Variants in ADAM12 observed in about 807,000 individuals in gnomAD.
ADAM12 encodes the protein disintegrin and metalloproteinase domain-containing protein 12.
ADAM12 carries 70 observed loss-of-function variants against 106.4 expected under a neutral mutation model. The observed-to-expected ratio is 0.66, with a 90% CI of 0.54 to 0.80. The LOEUF is 0.80. ADAM12 is among the 30% of genes least tolerant of loss of function. The probability of loss-of-function intolerance (pLI) is 0.00; values close to 1 mark genes in which losing one functional copy is unlikely to be tolerated. For synonymous variants in ADAM12, 420 were observed against 433.5 expected (o/e 0.97, Z 0.39); for missense variants, 1,010 against 1,171.9 (o/e 0.86, Z 2.02).
At chr10:126,350,590 C>T (rs1250147991) in intron 1 of ADAM12, among the ~76,000 whole-genome samples, 2 of 152,366 alleles carry the variant, frequency 1.3e-5, no homozygotes, top group Non-Finnish European at 2.9e-5. Context: ...GCATTTTCCG[C>T]AGTGACCTGC....
chr10:126,132,660 T>C (rs1272681616), intron 5 of ADAM12, among the ~76,000 whole-genome samples: 1 of 151,742 alleles, frequency 6.6e-6, no homozygotes, highest in Non-Finnish European at 1.5e-5. Context: ...CTGGCACCCA[T>C]CACAGGGGAG....
chr10:126,081,141 G>A (rs771081967), intron 11 of ADAM12, among the ~76,000 whole-genome samples: 13 of 152,210 alleles, frequency 8.5e-5, no homozygotes, highest in Non-Finnish European at 1.8e-4. Flanking sequence ...GTGACTCTGC[G>A]GCCTCATTAA....
chr10:126,354,384 G>A (rs537577981), intron 1 of ADAM12, among the ~76,000 whole-genome samples: 1 of 152,268 alleles, frequency 6.6e-6, no homozygotes, highest in East Asian at 1.9e-4. Context: ...TCATAGTCCT[G>A]TGTTCTGGAA....
At chr10:126,147,942 T>C (rs1956659005) in intron 4 of ADAM12, among the ~76,000 whole-genome samples, 1 of 152,212 alleles carries the variant, frequency 6.6e-6, no homozygotes, top group Non-Finnish European at 1.5e-5. Flanking sequence ...TCCAAAGCAC[T>C]GACAGCATCT....
chr10:126,226,116 T>C (rs1958189305), intron 3 of ADAM12, among the ~76,000 whole-genome samples: 1 of 144,076 alleles, frequency 6.9e-6, no homozygotes, highest in Non-Finnish European at 1.5e-5. Flanking sequence ...AGGCACATGG[T>C]ACAGATGGGT....
chr10:126,146,200 G>A (rs1001295089), intron 4 of ADAM12, among the ~76,000 whole-genome samples: 3 of 152,152 alleles, frequency 2.0e-5, no homozygotes, highest in South Asian at 2.1e-4. Context: ...GAGTCACCAC[G>A]GGACTTGGGT....
At chr10:126,033,375 A>G (rs911104951) in intron 21 of ADAM12, among the ~76,000 whole-genome samples, 7 of 152,224 alleles carry the variant, frequency 4.6e-5, no homozygotes, top group Admixed American at 4.6e-4. Flanking sequence ...AGGTGGAATA[A>G]GTACATTTCA....
At chr10:126,141,567 T>C (rs1956512516) in intron 4 of ADAM12, among the ~76,000 whole-genome samples, 1 of 152,214 alleles carries the variant, frequency 6.6e-6, no homozygotes, top group South Asian at 2.1e-4. Context: ...TTTAATACTA[T>C]CAATCAAATA....
chr10:126,374,889 G>T (rs148047144), intron 1 of ADAM12, among the ~76,000 whole-genome samples: 1 of 151,794 alleles, frequency 6.6e-6, no homozygotes, highest in South Asian at 2.1e-4. Flanking sequence ...AAAAACACAC[G>T]AATAAAATAC....
At chr10:126,319,064 T>C (rs139131229) in intron 2 of ADAM12, among the ~76,000 whole-genome samples, 2 of 152,268 alleles carry the variant, frequency 1.3e-5, no homozygotes, top group Admixed American at 6.5e-5. Context: ...GGAATTACAA[T>C]TCAAAATAAG....
At chr10:126,218,270 C>T (rs1368996833) in intron 3 of ADAM12, among the ~76,000 whole-genome samples, 2 of 152,116 alleles carry the variant, frequency 1.3e-5, no homozygotes, top group African/African-American at 4.8e-5. Flanking sequence ...CGACAACAGG[C>T]GTAACTTGGG....
intron 1 of ADAM12, among the ~76,000 whole-genome samples, chr10:126,334,623 G>A (rs1854631204): frequency 6.6e-6 from 1 of 152,132 alleles, no homozygotes. Context: ...TGGGAAAGCA[G>A]GCAAAGAAGA....
intron 10 of ADAM12, among the ~76,000 whole-genome samples, chr10:126,096,246 A>G (rs1955556444): frequency 6.6e-6 from 1 of 152,212 alleles, no homozygotes; most frequent in South Asian, 2.1e-4. Flanking sequence ...CTTAAAAAAT[A>G]TTCTTCTGAT....
intron 1 of ADAM12, among the ~76,000 whole-genome samples, chr10:126,355,119 A>G (rs899831384): frequency 1.3e-5 from 2 of 152,242 alleles, no homozygotes; most frequent in Non-Finnish European, 2.9e-5. Context: ...CAAAAAATGT[A>G]TAGTTTTAAC....
In ADAM12 at chr10:126,130,031, A is replaced by C. The variant is rs192093952; in HGVS notation, c.416+5553T>G. 4.0e-4 allele frequency among the ~76,000 whole-genome samples: 61 copies of C among 152,252 alleles called. No homozygotes were observed. In the East Asian group the frequency reaches 0.011, roughly 28 times the overall value. On this transcript the variant is annotated intron_variant, in intron 5 of 22. Transcript: ENST00000448723. Reference sequence around the variant, plus strand: ...GGATGTTCTTTCGCTGCAAAACTGGAATCTGTTGGGCTGTAATTAATGTGT... The same window carrying C: ...GGATGTTCTTTCGCTGCAAAACTGGCATCTGTTGGGCTGTAATTAATGTGT...
chr10:126,219,157 C>T (rs1317162585), intron 3 of ADAM12, among the ~76,000 whole-genome samples: 1 of 152,198 alleles, frequency 6.6e-6, no homozygotes, highest in Non-Finnish European at 1.5e-5. Flanking sequence ...GGGGTTTGCT[C>T]TTGGATAAAA....
rs147593487 is a variant in ADAM12 at position 126,312,828 on chromosome 10, C to T, written c.186+17584G>A. ...ATCTCAGGCGCTGACAAACCAGGAA[C>T]GATGCCCTCTCATCGCAGCCACATA... On this transcript the variant is annotated intron_variant, in intron 2 of 22. Transcript: ENST00000448723. Among the ~76,000 whole-genome samples the T allele has an allele frequency of 5.1e-3, 773 of 152,268 alleles. 12 individuals carry two copies. Among genetic ancestry groups the T allele is most frequent in the African/African-American group, 0.017 (709 of 41,552 alleles).
intron 3 of ADAM12, among the ~76,000 whole-genome samples, chr10:126,208,585 C>T (rs1957839595): frequency 6.6e-6 from 1 of 152,180 alleles, no homozygotes; most frequent in Admixed American, 6.5e-5. Context: ...TTTATCTTTA[C>T]TTTTCAACGG....
chr10:126,311,536 G>C (rs1486826914), intron 2 of ADAM12, among the ~76,000 whole-genome samples: 3 of 152,088 alleles, frequency 2.0e-5, no homozygotes, highest in Non-Finnish European at 4.4e-5. Context: ...TGGGCTCCTG[G>C]ATGGGGGCTG....
Sources: gnomAD v4.1 joint callset for allele counts (sites outside exome capture counted in the v4.1 genomes callset) on GRCh38, gnomAD v4.1.1 for gene constraint, MANE v1.5 for transcripts, NCBI Gene and HGNC (gene_info 2026-07-23, HGNC 2026-07-21) for gene names.